The following TIPARP variants were observed in gnomAD, a reference collection of about 807,000 sequenced individuals.
TIPARP encodes protein mono-ADP-ribosyltransferase TIPARP.
Under a neutral mutation model 56.5 loss-of-function variants are expected in TIPARP, and 12 were observed. The observed-to-expected ratio is 0.21, with a 90% CI of 0.14 to 0.34. The LOEUF (loss-of-function observed/expected upper bound fraction) is 0.34, where lower values mean the gene tolerates loss of function less well. Among genes scored for constraint, TIPARP ranks in the 10% least tolerant of loss-of-function variants. TIPARP has a pLI of 1.00. For missense variants in TIPARP, 604 were observed against 781.6 expected, an observed-to-expected ratio of 0.77 and a Z score of 2.71; for synonymous variants, 296 against 265.7, an observed-to-expected ratio of 1.11 and a Z score of -1.11.
At chr3:156,694,689 C>G (rs940154837) in intron 3 of TIPARP, among the ~76,000 whole-genome samples, 1 of 152,184 alleles carries the variant, frequency 6.6e-6, no homozygotes, top group Admixed American at 6.5e-5. Context: ...CCTATGTGCA[C>G]TTGCATCCTT....
chr3:156,702,453 G>A (rs1234144701), intron 4 of TIPARP, among the ~76,000 whole-genome samples: 1 of 152,190 alleles, frequency 6.6e-6, no homozygotes, highest in African/African-American at 2.4e-5. Flanking sequence ...TATGCTCTTT[G>A]GAGATGAGAC....
rs9883478 is a variant in TIPARP at position 156,677,883 on chromosome 3, T to G, written c.186T>G (p.Thr62=). 11,795 of 1,614,020 alleles carry G rather than the reference T, an allele frequency of 7.3e-3. 791 individuals carry two copies. The African/African-American group carries it at 0.14, about 19-fold the overall frequency. The change falls in exon 2 of 6, where the codon ACT becomes ACG. Residue 62 remains threonine, a synonymous_variant. Coordinates refer to ENST00000295924, the MANE Select transcript of TIPARP (RefSeq NM_015508.5). ...TLRSLRPILN[T]LLESGSLDGV... Reference sequence around the variant, plus strand: ...GGTCTTTGAGGCCAATATTAAACACTCTTCTAGAATCTGGCTCACTTGATG... The same window carrying G: ...GGTCTTTGAGGCCAATATTAAACACGCTTCTAGAATCTGGCTCACTTGATG...
chr3:156,704,690 G>A lies in TIPARP; in HGVS notation c.1533G>A (p.Lys511=). The change falls in exon 6 of 6, where the codon AAG becomes AAA. Residue 511 remains lysine (K), a synonymous_variant. Coordinates refer to ENST00000295924, the MANE Select transcript of TIPARP (RefSeq NM_015508.5). ...TGTCTGTTCTTTCCATTAGGAAAAA[G>A]GAATATATGAACAGGAAAATGTTTG... The part of the protein sequence containing the change: ...QFLWEKYKRK[K]EYMNRKMFGR... The A allele has an allele frequency of 6.2e-7, 1 of 1,611,444 alleles. No homozygotes were observed. The highest frequency in any genetic ancestry group is 1.3e-5 in the African/African-American group (1 of 74,920).
intron 2 of TIPARP, among the ~76,000 whole-genome samples, chr3:156,692,000 C>G (rs1487714344): frequency 1.3e-5 from 2 of 152,126 alleles, no homozygotes; most frequent in Admixed American, 1.3e-4. Context: ...CAGGCTTAAA[C>G]AGAAATTGCT....
intron 2 of TIPARP, among the ~76,000 whole-genome samples, chr3:156,685,546 C>T (rs1265121264): frequency 6.6e-6 from 1 of 152,164 alleles, no homozygotes; most frequent in African/African-American, 2.4e-5. Context: ...AAATTGAAGT[C>T]CTCTGTTTTG....
chr3:156,685,610 CAT>C (rs75236758), intron 2 of TIPARP, among the ~76,000 whole-genome samples: 4,862 of 152,314 alleles, frequency 0.032, 110 homozygotes, highest in Non-Finnish European at 0.048. Context: ...TATGTTGAAA[CAT>C]AGTACTTCTG....
chr3:156,698,491 G>A (rs1204867703), intron 4 of TIPARP, among the ~76,000 whole-genome samples: 1 of 152,166 alleles, frequency 6.6e-6, no homozygotes, highest in Non-Finnish European at 1.5e-5. Context: ...TGAAAATTGT[G>A]CTAAATCTAC....
At chr3:156,700,614 A>G (rs1402748817) in intron 4 of TIPARP, among the ~76,000 whole-genome samples, 2 of 152,186 alleles carry the variant, frequency 1.3e-5, no homozygotes, top group African/African-American at 4.8e-5. Context: ...CTGAGACTGC[A>G]TAAGCAAACA....
In TIPARP at chr3:156,700,592, A is replaced by G. The variant is rs141425262; in HGVS notation, c.1248-2832A>G. Reference sequence around the variant, plus strand: ...CCTGCTTTTTAATGGGGCTGATCTTAGAATACTTGAACTGAGACTGCATAA... The same window carrying G: ...CCTGCTTTTTAATGGGGCTGATCTTGGAATACTTGAACTGAGACTGCATAA... On this transcript the variant is annotated intron_variant, in intron 4 of 5. Transcript: ENST00000295924. Among the ~76,000 whole-genome samples, 4 of 152,320 alleles carry G rather than the reference A, an allele frequency of 2.6e-5. No homozygotes were observed. In the East Asian group the frequency reaches 7.7e-4, roughly 29 times the overall value.
chr3:156,692,073 A>G (rs1722590456), intron 2 of TIPARP, among the ~76,000 whole-genome samples: 1 of 152,176 alleles, frequency 6.6e-6, no homozygotes, highest in South Asian at 2.1e-4. Flanking sequence ...TTTATATTAT[A>G]ATGCATGTTA....
chr3:156,688,658 C>T (rs529117680), intron 2 of TIPARP, among the ~76,000 whole-genome samples: 95 of 152,228 alleles, frequency 6.2e-4, no homozygotes, highest in African/African-American at 2.3e-3. Flanking sequence ...ATTGTGTATG[C>T]CATGGCTTTG....
chr3:156,700,615 T>C (rs7636965), intron 4 of TIPARP, among the ~76,000 whole-genome samples: 90,260 of 152,034 alleles, frequency 0.59, 27,307 homozygotes, highest in East Asian at 0.85. Flanking sequence ...TGAGACTGCA[T>C]AAGCAAACAA....
intron 2 of TIPARP, among the ~76,000 whole-genome samples, chr3:156,683,131 T>C (rs148656034): frequency 1.1e-4 from 16 of 152,338 alleles, no homozygotes; most frequent in Non-Finnish European, 1.9e-4. Context: ...TTTCCTGATG[T>C]ATTTATGGTA....
chr3:156,693,563 G>A (rs2108493973), intron 2 of TIPARP, among the ~76,000 whole-genome samples: 1 of 152,040 alleles, frequency 6.6e-6, no homozygotes, highest in East Asian at 1.9e-4. Context: ...TTCTGTCTTT[G>A]ATCAGGCAAT....
chr3:156,677,575 C>T, intron 1 of TIPARP, 82 bp from the exon 2 acceptor site: 1 of 984,744 alleles, frequency 1.0e-6, no homozygotes, highest in Non-Finnish European at 1.5e-6. Context: ...TCAGTCAGGA[C>T]AAAAACAAAA....
At position 156,695,826 on chromosome 3, in the gene TIPARP, C is replaced by CTTTTTTTTTTTTTTT. The variant is rs10631452; in HGVS notation, c.1087-36_1087-22dup. The CTTTTTTTTTTTTTTT allele has an allele frequency of 1.2e-4, 127 of 1,031,202 alleles. 11 individuals carry two copies. Among genetic ancestry groups the CTTTTTTTTTTTTTTT allele is most frequent in the South Asian group, 5.2e-4 (17 of 32,824 alleles). 63.9% of individuals were successfully genotyped at this position (1,031,202 alleles called of 1,614,324 possible). Reference sequence around the variant, plus strand: ...TTTTTAACCATGATTATTAACTTTCCTTTTTTTTTTTTTTTTTGTTCTGTT... The same window carrying CTTTTTTTTTTTTTTT: ...TTTTTAACCATGATTATTAACTTTCCTTTTTTTTTTTTTTTTTTTTTTTTTTTTTTTTGTTCTGTT... On this transcript the variant is annotated intron_variant, in intron 3 of 5. Coordinates refer to ENST00000295924, the MANE Select transcript of TIPARP (RefSeq NM_015508.5).
chr3:156,694,224 C>T lies in TIPARP; in HGVS notation c.1086+36C>T, dbSNP rs1249190344. ...ATTCTTTGTTGACAAGTACATTTTT[C>T]AAATTTATTTTTTTCTTCCTGTATT... On this transcript the variant is annotated intron_variant, in intron 3 of 5. Coordinates refer to ENST00000295924, the MANE Select transcript of TIPARP (RefSeq NM_015508.5). 6.5e-6 allele frequency: 10 copies of T among 1,545,214 alleles called. No individual in the cohort carries two copies. In the East Asian group the frequency reaches 2.1e-4, roughly 32 times the overall value.
chr3:156,678,952 A>G (rs1350570559), intron 2 of TIPARP, among the ~76,000 whole-genome samples: 1 of 152,212 alleles, frequency 6.6e-6, no homozygotes, highest in African/African-American at 2.4e-5. Context: ...ATCTTACTAT[A>G]ACATAAATAA....
chr3:156,695,843 T>TTTG (rs1553771436), intron 3 of TIPARP, 22 bp from the exon 4 acceptor site: 4 of 1,410,166 alleles, frequency 2.8e-6, no homozygotes, highest in African/African-American at 1.5e-5. Context: ...TTTTTTTTTT[T>TTTG]GTTCTGTTTT....
Sources: allele counts gnomAD v4.1 joint callset (sites outside exome capture counted in the v4.1 genomes callset), GRCh38; gene constraint gnomAD v4.1.1; transcripts MANE v1.5; gene names NCBI Gene and HGNC (gene_info 2026-07-23, HGNC 2026-07-21).